SV2C: variants seen among roughly 807,000 people sequenced by gnomAD.
SV2C encodes the protein synaptic vesicle glycoprotein 2C, also known as solute carrier family 22 member B3.
A neutral mutation model predicts 79.7 loss-of-function variants in SV2C; 49 were observed. The observed-to-expected ratio is 0.61, with a 90% CI of 0.49 to 0.78. SV2C has a LOEUF of 0.78. SV2C is among the 30% of genes least tolerant of loss of function. SV2C has a pLI of 0.00. For missense variants in SV2C, 833 were observed against 912.9 expected, an observed-to-expected ratio of 0.91 and a Z score of 1.13; for synonymous variants, 334 against 333.2, an observed-to-expected ratio of 1.00 and a Z score of -0.03.
intron 4 of SV2C, among the ~76,000 whole-genome samples, chr5:76,284,379 C>T (rs1261025857): frequency 1.3e-5 from 2 of 152,092 alleles, no homozygotes; most frequent in Non-Finnish European, 2.9e-5. Context: ...CATGCAGCAA[C>T]CGCCAATTCC....
At chr5:75,968,164 C>T in the SV2C span, among the ~76,000 whole-genome samples, 27 of 152,248 alleles carry the variant, frequency 1.8e-4, no homozygotes, top group Admixed American at 7.2e-4. Flanking sequence ...CACCAAAAAC[C>T]CATCTGTACG....
intron 4 of SV2C, among the ~76,000 whole-genome samples, chr5:76,217,811 G>A (rs1302986852): frequency 6.6e-6 from 1 of 152,106 alleles, no homozygotes; most frequent in Non-Finnish European, 1.5e-5. Flanking sequence ...AAACAATACT[G>A]TAAAATCTTG....
chr5:75,871,332 A>G, the SV2C span, among the ~76,000 whole-genome samples: 1 of 152,208 alleles, frequency 6.6e-6, no homozygotes, highest in Non-Finnish European at 1.5e-5. Context: ...AAGACGTATA[A>G]CCACTGATGA....
chr5:76,056,364 C>T, the SV2C span, among the ~76,000 whole-genome samples: 1 of 152,154 alleles, frequency 6.6e-6, no homozygotes, highest in African/African-American at 2.4e-5. Flanking sequence ...GGTAGATAAG[C>T]TTTTTGATGT....
the SV2C span, among the ~76,000 whole-genome samples, chr5:75,988,106 C>T: frequency 2.6e-5 from 4 of 152,130 alleles, no homozygotes; most frequent in East Asian, 7.8e-4. Flanking sequence ...ACTGTGAGTT[C>T]ATGTGCATGT....
intron 4 of SV2C, among the ~76,000 whole-genome samples, chr5:76,240,530 T>C (rs1745753905): frequency 6.6e-6 from 1 of 152,238 alleles, no homozygotes; most frequent in Non-Finnish European, 1.5e-5. Flanking sequence ...CAGTGGATAA[T>C]TGTCCTCTGG....
the SV2C span, among the ~76,000 whole-genome samples, chr5:75,939,018 G>T: frequency 6.6e-6 from 1 of 152,088 alleles, no homozygotes; most frequent in South Asian, 2.1e-4. Flanking sequence ...AATATCATTT[G>T]TCACTAGGCT....
chr5:76,350,895 T>C (rs1462255951), intron 12 of SV2C, among the ~76,000 whole-genome samples: 1 of 151,766 alleles, frequency 6.6e-6, no homozygotes, highest in Admixed American at 6.6e-5. Flanking sequence ...ATGCTTGTAA[T>C]CCCAGCTACT....
intron 8 of SV2C, among the ~76,000 whole-genome samples, chr5:76,293,447 G>C (rs528973679): frequency 6.6e-6 from 1 of 152,258 alleles, no homozygotes; most frequent in East Asian, 1.9e-4. Flanking sequence ...ATAGTGCCTA[G>C]TATTTAGTGC....
intron 1 of SV2C, among the ~76,000 whole-genome samples, chr5:76,103,572 G>T (rs905030611): frequency 6.6e-6 from 1 of 152,206 alleles, no homozygotes; most frequent in Non-Finnish European, 1.5e-5. Context: ...CATAAAGACA[G>T]CCATAGCTTC....
At chr5:75,925,593 C>G in the SV2C span, among the ~76,000 whole-genome samples, 1 of 152,044 alleles carries the variant, frequency 6.6e-6, no homozygotes, top group Non-Finnish European at 1.5e-5. Flanking sequence ...ATCTGAGTCA[C>G]CTGAGGACTC....
intron 12 of SV2C, among the ~76,000 whole-genome samples, chr5:76,312,265 G>T (rs1275364172): frequency 1.4e-5 from 2 of 142,352 alleles, no homozygotes; most frequent in African/African-American, 5.4e-5. Flanking sequence ...TTTTTTTTTG[G>T]GGGGGGGGAC....
intron 2 of SV2C, among the ~76,000 whole-genome samples, chr5:76,143,833 A>T (rs1749337803): frequency 1.3e-5 from 2 of 152,250 alleles, no homozygotes; most frequent in African/African-American, 4.8e-5. Flanking sequence ...TTAGAAAATC[A>T]AGCTGGTCAT....
intron 4 of SV2C, among the ~76,000 whole-genome samples, chr5:76,278,510 G>C (rs987404241): frequency 4.6e-5 from 7 of 152,160 alleles, no homozygotes; most frequent in African/African-American, 1.7e-4. Flanking sequence ...AAGACTCCTA[G>C]GGGACAACAT....
the SV2C span, among the ~76,000 whole-genome samples, chr5:75,898,729 A>T: frequency 2.0e-5 from 3 of 152,188 alleles, no homozygotes; most frequent in African/African-American, 7.2e-5. Flanking sequence ...GCTATTGATT[A>T]TTGCCACAAT....
At chr5:76,092,452 A>G (rs984279536) in intron 1 of SV2C, among the ~76,000 whole-genome samples, 6 of 152,190 alleles carry the variant, frequency 3.9e-5, no homozygotes, top group South Asian at 2.1e-4. Context: ...TTGGTACTCA[A>G]TACAACTATT....
chr5:76,058,990 A>G, the SV2C span, among the ~76,000 whole-genome samples: 1 of 152,120 alleles, frequency 6.6e-6, no homozygotes, highest in Admixed American at 6.6e-5. Context: ...AGAATCACGT[A>G]CATTTTTTGG....
chr5:75,851,736 G>A, the SV2C span, among the ~76,000 whole-genome samples: 96 of 152,306 alleles, frequency 6.3e-4, no homozygotes, highest in South Asian at 7.0e-3. Context: ...CCCCTCCCGG[G>A]TTCACGCCAT....
the SV2C span, among the ~76,000 whole-genome samples, chr5:75,973,197 G>T: frequency 6.6e-6 from 1 of 151,906 alleles, no homozygotes; most frequent in Non-Finnish European, 1.5e-5. Context: ...AGGGGGGAGG[G>T]ATAGCATTAG....
Sources: gnomAD v4.1 joint callset for allele counts (sites outside exome capture counted in the v4.1 genomes callset) on GRCh38, gnomAD v4.1.1 for gene constraint, MANE v1.5 for transcripts, NCBI Gene and HGNC (gene_info 2026-07-23, HGNC 2026-07-21) for gene names.